QDPR: variants seen among roughly 807,000 people sequenced by gnomAD.
QDPR encodes the protein quinoid dihydropteridine reductase, also known as dihydropteridine reductase.
In QDPR, 23 loss-of-function variants were observed where a neutral mutation model predicts 31.7. The observed-to-expected ratio is 0.73, with a 90% confidence interval of 0.52 to 1.03. The LOEUF (loss-of-function observed/expected upper bound fraction) is 1.03, where lower values mean the gene tolerates loss of function less well. Among genes scored for constraint, QDPR ranks in the 50% least tolerant of loss-of-function variants. The pLI is 0.00. For missense variants in QDPR, 324 were observed against 323.8 expected, an observed-to-expected ratio of 1.00 and a Z score of 0.00; for synonymous variants, 124 against 124.7, an observed-to-expected ratio of 0.99 and a Z score of 0.03.
At chr4:17,493,714 ATGTGT>A (rs1457155102) in intron 4 of QDPR, among the ~76,000 whole-genome samples, 1 of 152,178 alleles carries the variant, frequency 6.6e-6, no homozygotes, top group Non-Finnish European at 1.5e-5. Context: ...AGTGCCCTCC[ATGTGT>A]TCAACCCAGA....
intron 4 of QDPR, among the ~76,000 whole-genome samples, chr4:17,492,678 A>C (rs1718212420): frequency 6.6e-6 from 1 of 152,182 alleles, no homozygotes; most frequent in African/African-American, 2.4e-5. Context: ...ATGGAGAGAA[A>C]AGTGGAGGAG....
intron 4 of QDPR, among the ~76,000 whole-genome samples, chr4:17,495,880 G>A (rs930702583): frequency 9.9e-5 from 15 of 151,950 alleles, no homozygotes; most frequent in East Asian, 5.8e-4. Context: ...GTGATGGCGA[G>A]CGCCTGTAGT....
chr4:17,507,013 T>C (rs892723554), intron 2 of QDPR, among the ~76,000 whole-genome samples: 3 of 152,356 alleles, frequency 2.0e-5, no homozygotes, highest in South Asian at 2.1e-4. Context: ...CTATAAATGA[T>C]TTCCCTTTTC....
At position 17,492,709 on chromosome 4, in the gene QDPR, T is replaced by C. The variant is rs1467367812; in HGVS notation, c.437-369A>G. On this transcript the variant is annotated intron_variant, in intron 4 of 6. Coordinates refer to ENST00000281243, the MANE Select transcript of QDPR (RefSeq NM_000320.3). Reference sequence around the variant, plus strand: ...AGGAGACATGACATTTCAGGTGTACTTACTATTCATCTAACACTTAACATT... The same window carrying C: ...AGGAGACATGACATTTCAGGTGTACCTACTATTCATCTAACACTTAACATT... 2.0e-5 allele frequency among the ~76,000 whole-genome samples: 3 copies of C among 152,192 alleles called. No homozygotes were observed. In the South Asian group the frequency reaches 6.2e-4, roughly 32 times the overall value.
At chr4:17,491,872 A>G (rs1053408299) in intron 5 of QDPR, among the ~76,000 whole-genome samples, 1 of 152,114 alleles carries the variant, frequency 6.6e-6, no homozygotes, top group African/African-American at 2.4e-5. Flanking sequence ...CATGCTTATA[A>G]AGGAAGCTGG....
At chr4:17,492,580 C>G (rs745681452) in intron 4 of QDPR, 91 of 563,996 alleles carry the variant, frequency 1.6e-4, no homozygotes, top group Middle Eastern at 9.6e-4. Context: ...TCCAAGAACA[C>G]ACAGGCTTCA....
At position 17,490,656 on chromosome 4, in the gene QDPR, A is replaced by G. The variant is rs1181308010; in HGVS notation, c.629+6T>C. On this transcript the variant is annotated splice_donor_region_variant and intron_variant, in intron 6 of 6. Transcript: ENST00000281243. Reference sequence around the variant, plus strand: ...GCTCAGTCATGGACATGTCTGTAATACTCACTCAACTAGGAATTCTAAGGG... The same window carrying G: ...GCTCAGTCATGGACATGTCTGTAATGCTCACTCAACTAGGAATTCTAAGGG... 1.2e-6 allele frequency: 2 copies of G among 1,607,904 alleles called. No homozygotes were observed. The highest frequency in any genetic ancestry group is 1.7e-6 in the Non-Finnish European group (2 of 1,174,562).
At chr4:17,501,947 C>T (rs932811715) in intron 3 of QDPR, 88 bp from the exon 4 acceptor site, 3 of 1,546,172 alleles carry the variant, frequency 1.9e-6, no homozygotes, top group Non-Finnish European at 1.8e-6. Context: ...CTCAGGGAGG[C>T]CCTCCCTCCT....
chr4:17,505,374 G>A (rs533676315), intron 2 of QDPR, among the ~76,000 whole-genome samples: 21 of 151,462 alleles, frequency 1.4e-4, no homozygotes, highest in African/African-American at 5.1e-4. Flanking sequence ...AGCTTCCTGA[G>A]TAGCCGGGAT....
chr4:17,509,256 C>T lies in QDPR; in HGVS notation c.198+15G>A. 7 of 1,607,444 alleles carry T rather than the reference C, an allele frequency of 4.4e-6. No homozygotes were observed. The highest frequency in any genetic ancestry group is 1.1e-5 in the South Asian group (1 of 90,920). On this transcript the variant is annotated intron_variant, in intron 2 of 6. Transcript: ENST00000281243. ...GGGTTCCCCTCACAATGTTTGGGGG[C>T]CTTTTTGAAACTACCTGGTCAGCCT...
At chr4:17,495,318 T>C (rs762369022) in intron 4 of QDPR, among the ~76,000 whole-genome samples, 21 of 152,090 alleles carry the variant, frequency 1.4e-4, no homozygotes, top group Non-Finnish European at 2.9e-4. Flanking sequence ...CAAAACCCAC[T>C]TACCCCACCC....
Position 17,492,339 on chromosome 4 carries a change from AC to A in QDPR, c.437del (p.Gly146ValfsTer2). ...CCTTGGCCATGCCGTACCCGATCAT[AC>A]CTGGGAAATGGGGAGAAGATGGCTC... Reference protein sequence around the residue: ...GAKAALDGTPGMIGYGMAKGA... With the variant: ...GAKAALDGTPXMIGYGMAKGA... On this transcript the variant is annotated frameshift_variant and splice_region_variant, in exon 5 of 7. Transcript: ENST00000281243. LOFTEE classifies it high-confidence loss of function. The A allele has an allele frequency of 6.2e-7, 1 of 1,613,902 alleles. No individual in the cohort carries two copies. Among genetic ancestry groups the A allele is most frequent in the Non-Finnish European group, 8.5e-7 (1 of 1,179,784 alleles).
Position 17,487,228 on chromosome 4 carries a change from T to C in QDPR, c.638A>G (p.His213Arg), listed in dbSNP as rs1423669832. ...TPLEFLVETF[H>R]DWITGKNRPS... ...TCGGTTTTTCCCTGTGATCCAGTCA[T>C]GGAAAGTTCTGGAACAGAAAATAAA... The change falls in exon 7 of 7, where the codon CAT becomes CGT. Residue 213 changes from histidine to arginine, a missense_variant. Transcript: ENST00000281243. 1 of 1,612,820 alleles carries C rather than the reference T, an allele frequency of 6.2e-7. No homozygotes were observed. The highest frequency in any genetic ancestry group is 2.2e-5 in the East Asian group (1 of 44,842).
intron 4 of QDPR, among the ~76,000 whole-genome samples, chr4:17,493,301 G>A (rs1718232011): frequency 6.6e-6 from 1 of 152,136 alleles, no homozygotes; most frequent in Admixed American, 6.5e-5. Context: ...CATGCCTGCT[G>A]GTACATGCCT....
intron 2 of QDPR, among the ~76,000 whole-genome samples, chr4:17,504,702 T>G (rs1473743643): frequency 6.6e-6 from 1 of 152,102 alleles, no homozygotes; most frequent in African/African-American, 2.4e-5. Flanking sequence ...AGAGTCTCTG[T>G]GTATACATTC....
Position 17,509,370 on chromosome 4 carries a change from G to A in QDPR, c.106-7C>T. On this transcript the variant is annotated splice_region_variant and splice_polypyrimidine_tract_variant and intron_variant, in intron 1 of 6. Transcript: ENST00000281243. ...CATCAACGCTGGCAACCCACTGGAA[G>A]GAGAAAACAGCTTTGGTTAAGAGGC... 1 of 1,611,904 alleles carries A rather than the reference G, an allele frequency of 6.2e-7. No homozygotes were observed. Among genetic ancestry groups the A allele is most frequent in the Non-Finnish European group, 8.5e-7 (1 of 1,178,106 alleles).
chr4:17,488,189 A>C (rs558837289), intron 6 of QDPR, among the ~76,000 whole-genome samples: 15 of 152,030 alleles, frequency 9.9e-5, no homozygotes, highest in African/African-American at 3.6e-4. Context: ...TGAGCCCCGG[A>C]GATCAAGGCT....
chr4:17,505,129 C>T (rs1718712313), intron 2 of QDPR, among the ~76,000 whole-genome samples: 1 of 151,968 alleles, frequency 6.6e-6, no homozygotes, highest in African/African-American at 2.4e-5. Context: ...ATGAAAAGAA[C>T]AGTCTGTCAG....
At chr4:17,497,024 CAGGCAT>C (rs1718384722) in intron 4 of QDPR, among the ~76,000 whole-genome samples, 1 of 152,102 alleles carries the variant, frequency 6.6e-6, no homozygotes, top group Non-Finnish European at 1.5e-5. Flanking sequence ...GCTGGGATTA[CAGGCAT>C]GAGCCATCGC....
Sources: allele counts gnomAD v4.1 joint callset (sites outside exome capture counted in the v4.1 genomes callset), GRCh38; gene constraint gnomAD v4.1.1; transcripts MANE v1.5; gene names NCBI Gene and HGNC (gene_info 2026-07-23, HGNC 2026-07-21).